MCM7: variants seen among roughly 807,000 people sequenced by gnomAD.
MCM7 encodes the protein minichromosome maintenance complex component 7, also known as DNA replication licensing factor MCM7.
Under a neutral mutation model 83.5 loss-of-function variants are expected in MCM7, and 95 were observed. That is an observed-to-expected ratio of 1.14 (90% CI 0.96 to 1.35). MCM7 has a LOEUF of 1.35. MCM7 is among the 40% of genes most tolerant of loss of function. The pLI is 0.00. For synonymous variants in MCM7, 461 were observed against 352.7 expected (o/e 1.31, Z -3.44); for missense variants, 1,087 against 957.4 (o/e 1.14, Z -1.79).
chr7:100,100,872 C>T (rs919701387), intron 1 of MCM7: 3 of 1,040,624 alleles, frequency 2.9e-6, no homozygotes. Flanking sequence ...GGGGCCTACG[C>T]GCGCCTGGGG....
intron 13 of MCM7, 103 bp from the exon 14 acceptor site, chr7:100,093,504 C>A: frequency 9.7e-7 from 1 of 1,031,218 alleles, no homozygotes; most frequent in Non-Finnish European, 1.5e-6. Context: ...GCCCATGGGT[C>A]GCCTACTCAC....
At position 100,099,122 on chromosome 7, in the gene MCM7, T is replaced by C; in HGVS notation, c.483A>G (p.Val161=). The C allele has an allele frequency of 1.2e-6, 2 of 1,614,130 alleles. No homozygotes were observed. Among genetic ancestry groups the C allele is most frequent in the Non-Finnish European group, 1.7e-6 (2 of 1,180,032 alleles). ...EVRADSVGKL[V]TVRGIVTRVS... ...CACGAGTGACGATTCCACGCACAGT[T>C]ACCAACTTCCCCACAGAGTCAGCCC... The change falls in exon 5 of 15, where the codon GTA becomes GTG. Residue 161 remains valine, a synonymous_variant. Coordinates refer to ENST00000303887, the MANE Select transcript of MCM7 (RefSeq NM_005916.5).
intron 13 of MCM7, 87 bp downstream of exon 13, chr7:100,094,086 A>AGGT: frequency 6.6e-7 from 1 of 1,522,772 alleles, no homozygotes; most frequent in Non-Finnish European, 9.1e-7. Context: ...CTGGAGCGGG[A>AGGT]GGTGGGGAGG....
chr7:100,098,889 C>T, intron 5 of MCM7, 134 bp downstream of exon 5: 5 of 1,377,784 alleles, frequency 3.6e-6, no homozygotes, highest in South Asian at 1.3e-5. Flanking sequence ...AAGACCACTA[C>T]ATACCCAAGA....
rs1795420872 is a variant in MCM7, at chr7:100,093,329, T to C, written c.1921A>G (p.Lys641Glu). The C allele has an allele frequency of 1.2e-6, 2 of 1,614,004 alleles. No homozygotes were observed. The highest frequency in any genetic ancestry group is 1.7e-6 in the Non-Finnish European group (2 of 1,180,034). ...NEAIRLMEMSKDSLLGDKGQT... is the reference protein window; with the variant it reads ...NEAIRLMEMSEDSLLGDKGQT... ...CCCTTGTCTCCTAGAAGAGAGTCCT[T>C]TGACATCTCCATTAGCCTGATGGCT... The change falls in exon 14 of 15, where the codon AAG becomes GAG. Residue 641 changes from lysine (K) to glutamate (E), a missense_variant. Physicochemically the swap from Lys to Glu is moderately conservative, Grantham distance 56. Coordinates refer to ENST00000303887, the MANE Select transcript of MCM7 (RefSeq NM_005916.5).
chr7:100,096,604 G>C (rs550724416), intron 10 of MCM7, among the ~76,000 whole-genome samples: 2 of 152,196 alleles, frequency 1.3e-5, no homozygotes, highest in South Asian at 4.1e-4. Context: ...AGTAAACCCT[G>C]TCTCTACTAA....
chr7:100,099,218 C>G lies in MCM7; in HGVS notation c.402-15G>C. On this transcript the variant is annotated splice_polypyrimidine_tract_variant and intron_variant, in intron 4 of 14. Transcript: ENST00000303887. ...AATACAGCTCACTAAGGGGAGAAAA[C>G]AGTCACAAACAAGATCCTGGAGAAC... 6.2e-7 allele frequency: 1 copy of G among 1,613,998 alleles called. No individual in the cohort carries two copies. The highest frequency in any genetic ancestry group is 8.5e-7 in the Non-Finnish European group (1 of 1,179,936).
At chr7:100,099,484 T>A in intron 3 of MCM7, 81 bp from the exon 4 acceptor site, 1 of 1,578,820 alleles carries the variant, frequency 6.3e-7, no homozygotes, top group African/African-American at 1.4e-5. Context: ...CAGGCAGAAG[T>A]GCCCCTCCTT....
rs1453261930 is a variant in MCM7 at position 100,101,297 on chromosome 7, C to CCGA, written c.-4_-3insTCG. ...AGCGCGTAGTCCTTCAGTGCCATCG[C>CCGA]TGCCGAGGGCCGTGCGGCCGCGCTT... On this transcript the variant is annotated 5_prime_UTR_variant, in exon 1 of 15. Coordinates refer to ENST00000303887, the MANE Select transcript of MCM7 (RefSeq NM_005916.5). 1 of 1,613,262 alleles carries CCGA rather than the reference C, an allele frequency of 6.2e-7. No individual in the cohort carries two copies.
At position 100,098,126 on chromosome 7, in the gene MCM7, C is replaced by A. The variant is rs1795743613; in HGVS notation, c.870+15G>T. On this transcript the variant is annotated intron_variant, in intron 7 of 14. Transcript: ENST00000303887. ...AAAGGGGATGATCCATTCCTCATGT[C>A]AAACTCTTCCTTACCTGTACCACCT... The A allele has an allele frequency of 1.2e-6, 2 of 1,613,382 alleles. No individual in the cohort carries two copies. Among genetic ancestry groups the A allele is most frequent in the Non-Finnish European group, 1.7e-6 (2 of 1,179,516 alleles).
chr7:100,099,668 A>G lies in MCM7; in HGVS notation c.197T>C (p.Ile66Thr). The G allele has an allele frequency of 6.2e-7, 1 of 1,614,186 alleles. No individual in the cohort carries two copies. Among genetic ancestry groups the G allele is most frequent in the Non-Finnish European group, 8.5e-7 (1 of 1,180,032 alleles). Residue 66 changes from isoleucine to threonine, a missense_variant, in exon 3 of 15, where the codon ATT becomes ACT. Physicochemically the swap from Ile to Thr is moderately conservative, Grantham distance 89. Coordinates refer to ENST00000303887, the MANE Select transcript of MCM7 (RefSeq NM_005916.5). ...CGCGTAGCGCCTGGCATTCTCACAAATTGAGTCCACCAACTCGGGGTCATC... is the reference window on the plus strand; with the variant it reads ...CGCGTAGCGCCTGGCATTCTCACAAGTTGAGTCCACCAACTCGGGGTCATC... ...AEDDPELVDS[I>T]CENARRYAKL...
intron 12 of MCM7, 27 bp from the exon 13 acceptor site, chr7:100,094,368 A>C (rs1286429209): frequency 6.2e-7 from 1 of 1,613,038 alleles, no homozygotes; most frequent in Admixed American, 1.7e-5. Context: ...ATGGGGAAGC[A>C]GAAGAGGGAG....
At position 100,095,484 on chromosome 7, in the gene MCM7, A is replaced by G; in HGVS notation, c.1596-14T>C. ...TGCTGGGCCAACCTGGACAGAGGGAAGGTTAGAAGGAACACCCTTTTTAGG... is the reference window on the plus strand; with the variant it reads ...TGCTGGGCCAACCTGGACAGAGGGAGGGTTAGAAGGAACACCCTTTTTAGG... On this transcript the variant is annotated splice_polypyrimidine_tract_variant and intron_variant, in intron 11 of 14. Transcript: ENST00000303887. The G allele has an allele frequency of 1.2e-6, 2 of 1,612,782 alleles. No individual in the cohort carries two copies. The highest frequency in any genetic ancestry group is 1.7e-6 in the Non-Finnish European group (2 of 1,179,068).
In MCM7 at chr7:100,093,046, C is replaced by T. The variant is rs151020548; in HGVS notation, c.2046G>A (p.Gln682=). Residue 682 remains glutamine, a synonymous_variant, in exon 15 of 15, where the codon CAG becomes CAA. Transcript: ENST00000303887. The part of the protein sequence containing the change: ...GRSVRFSEAE[Q]RCVSRGFTPA... ...GTGTGAAGCCACGAGATACACAGCGCTGCTCTGCCTCAGAGAACCGGACAC... is the reference window on the plus strand; with the variant it reads ...GTGTGAAGCCACGAGATACACAGCGTTGCTCTGCCTCAGAGAACCGGACAC... 8 of 1,614,132 alleles carry T rather than the reference C, an allele frequency of 5.0e-6. No individual in the cohort carries two copies. In the African/African-American group the frequency reaches 9.3e-5, roughly 19 times the overall value.
intron 1 of MCM7, chr7:100,100,907 C>T (rs1056082454): frequency 7.4e-5 from 78 of 1,061,020 alleles, no homozygotes; most frequent in Non-Finnish European, 1.7e-5. Flanking sequence ...TGGGAATGCC[C>T]AAAAGCGCGA....
chr7:100,098,171 G>C lies in MCM7; in HGVS notation c.840C>G (p.Ile280Met). The change falls in exon 7 of 15, where the codon ATC becomes ATG. Residue 280 changes from isoleucine to methionine, a missense_variant. By Grantham distance (10) the Ile-to-Met change is conservative. Coordinates refer to ENST00000303887, the MANE Select transcript of MCM7 (RefSeq NM_005916.5). ...HVSVTGIFLP[I>M]LRTGFRQVVQ... ...CCACCTGTCGGAACCCAGTGCGCAG[G>C]ATTGGCAAGAAAATACCAGTGACGC... The C allele has an allele frequency of 6.2e-7, 1 of 1,614,128 alleles. No individual in the cohort carries two copies. Among genetic ancestry groups the C allele is most frequent in the Non-Finnish European group, 8.5e-7 (1 of 1,180,014 alleles).
chr7:100,094,833 G>A (rs1350644380), intron 12 of MCM7, among the ~76,000 whole-genome samples: 1 of 152,170 alleles, frequency 6.6e-6, no homozygotes, highest in Non-Finnish European at 1.5e-5. Flanking sequence ...ATAGCTTGGG[G>A]ATGGGACTCC....
At chr7:100,097,017 C>T (rs1052058887) in intron 10 of MCM7, among the ~76,000 whole-genome samples, 3 of 152,248 alleles carry the variant, frequency 2.0e-5, no homozygotes, top group South Asian at 2.1e-4. Context: ...AGGAGAATGG[C>T]GTGACCCCAG....
rs1795694753 is a variant in MCM7 at position 100,097,344 on chromosome 7, G to A, written c.1158C>T (p.Ala386=). 1.2e-6 allele frequency: 2 copies of A among 1,614,000 alleles called. No individual in the cohort carries two copies. Among genetic ancestry groups the A allele is most frequent in the Non-Finnish European group, 8.5e-7 (1 of 1,180,040 alleles). ...NICLMGDPGV[A]KSQLLSYIDR... Reference sequence around the variant, plus strand: ...CAATGTATGACAGGAGCTGAGACTTGGCCACACCAGGATCCCCCATCAGAC... The same window carrying A: ...CAATGTATGACAGGAGCTGAGACTTAGCCACACCAGGATCCCCCATCAGAC... Residue 386 remains alanine, a synonymous_variant, in exon 10 of 15, where the codon GCC becomes GCT. Coordinates refer to ENST00000303887, the MANE Select transcript of MCM7 (RefSeq NM_005916.5).
Sources: allele counts gnomAD v4.1 joint callset (sites outside exome capture counted in the v4.1 genomes callset), GRCh38; gene constraint gnomAD v4.1.1; transcripts MANE v1.5; gene names NCBI Gene and HGNC (gene_info 2026-07-23, HGNC 2026-07-21).